The following GNA12 variants were observed in gnomAD, a reference collection of about 807,000 sequenced individuals.
GNA12 encodes G protein subunit alpha 12.
Under a neutral mutation model 26.0 loss-of-function variants are expected in GNA12, and 9 were observed. The ratio of observed to expected loss-of-function variants is 0.35; its 90% confidence interval spans 0.21 to 0.60. The LOEUF (loss-of-function observed/expected upper bound fraction) is 0.60, where lower values mean the gene tolerates loss of function less well. Among genes scored for constraint, GNA12 ranks in the 20% least tolerant of loss-of-function variants. The pLI is 0.78. For synonymous variants in GNA12, 264 were observed against 219.6 expected (o/e 1.20, Z -1.79); for missense variants, 405 against 525.8 (o/e 0.77, Z 2.25).
chr7:2,740,505 T>C (rs1790446482), intron 2 of GNA12, among the ~76,000 whole-genome samples: 1 of 152,126 alleles, frequency 6.6e-6, no homozygotes, highest in Non-Finnish European at 1.5e-5. Flanking sequence ...CAATTTCCAA[T>C]CTCCAGAGCT....
intron 2 of GNA12, among the ~76,000 whole-genome samples, chr7:2,777,205 C>T (rs1232652999): frequency 2.0e-5 from 3 of 152,134 alleles, no homozygotes; most frequent in Admixed American, 6.6e-5. Flanking sequence ...TCCTTTCAAA[C>T]GTGGACGCTT....
intron 2 of GNA12, among the ~76,000 whole-genome samples, chr7:2,751,426 G>A (rs1235334949): frequency 1.1e-4 from 17 of 148,004 alleles, no homozygotes; most frequent in Admixed American, 2.0e-4. Context: ...GCTTATAGAA[G>A]AGAAAAAATG....
chr7:2,816,792 A>G (rs1793228388), intron 1 of GNA12, among the ~76,000 whole-genome samples: 3 of 152,174 alleles, frequency 2.0e-5, no homozygotes, highest in Non-Finnish European at 4.4e-5. Context: ...TCAATTCTTA[A>G]GAGCGGCCAG....
Position 2,731,816 on chromosome 7 carries a change from A to C in GNA12, c.577-66T>G. 1 of 817,688 alleles carries C rather than the reference A, an allele frequency of 1.2e-6. No homozygotes were observed. The highest frequency in any genetic ancestry group is 1.8e-6 in the Non-Finnish European group (1 of 554,536). The allele number at this position is 817,688 out of a possible 1,614,324, so 50.7% of individuals were successfully genotyped here. A position where few individuals can be genotyped will look rare whatever the true frequency, so the allele number is the denominator to read the frequency against. On this transcript the variant is annotated intron_variant, in intron 3 of 3. Transcript: ENST00000275364. The surrounding 1 kb of genome is among the most constrained non-coding windows in gnomAD (Gnocchi z 6.0). ...GAAAGAACAGAGAAAATAGAAACAAAAAGATGGCAAAAAGATAAGAAGGAA... is the reference window on the plus strand; with the variant it reads ...GAAAGAACAGAGAAAATAGAAACAACAAGATGGCAAAAAGATAAGAAGGAA...
At chr7:2,779,459 A>G (rs796869622) in intron 2 of GNA12, among the ~76,000 whole-genome samples, 58 of 152,082 alleles carry the variant, frequency 3.8e-4, no homozygotes, top group African/African-American at 1.0e-3. Context: ...ACAGTGAGCT[A>G]TGATCACGCT....
At chr7:2,747,442 G>A (rs1049504562) in intron 2 of GNA12, among the ~76,000 whole-genome samples, 4 of 152,208 alleles carry the variant, frequency 2.6e-5, no homozygotes, top group African/African-American at 9.7e-5. Flanking sequence ...CTCAGTAGAT[G>A]CAGAAAAGGC....
At position 2,844,200 on chromosome 7, in the gene GNA12, G is replaced by A. The variant is rs1401556212; in HGVS notation, c.-39C>T. 88 of 959,900 alleles carry A rather than the reference G, an allele frequency of 9.2e-5. No individual in the cohort carries two copies. The highest frequency in any genetic ancestry group is 1.1e-4 in the Non-Finnish European group (87 of 809,228). The allele number at this position is 959,900 out of a possible 1,614,324, so 59.5% of individuals were successfully genotyped here. A position where few individuals can be genotyped will look rare whatever the true frequency, so the allele number is the denominator to read the frequency against. On this transcript the variant is annotated 5_prime_UTR_variant, in exon 1 of 4. Coordinates refer to ENST00000275364, the MANE Select transcript of GNA12 (RefSeq NM_007353.3). Reference sequence around the variant, plus strand: ...GCGGCCGCGCCCCGCCGGCGCCCGGGGGCCATGGACGCTCCCGCCGGCGAG... The same window carrying A: ...GCGGCCGCGCCCCGCCGGCGCCCGGAGGCCATGGACGCTCCCGCCGGCGAG...
chr7:2,743,561 C>T (rs1790611921), intron 2 of GNA12, among the ~76,000 whole-genome samples: 1 of 152,138 alleles, frequency 6.6e-6, no homozygotes. Context: ...CAGGGAGGAT[C>T]CAAGATGGCC....
At chr7:2,792,141 G>A (rs1018927267) in intron 2 of GNA12, among the ~76,000 whole-genome samples, 2 of 152,198 alleles carry the variant, frequency 1.3e-5, no homozygotes, top group African/African-American at 2.4e-5. Context: ...AAGCTCACTC[G>A]CTGGAGACAG....
At chr7:2,787,235 C>T (rs993795425) in intron 2 of GNA12, among the ~76,000 whole-genome samples, 1 of 152,196 alleles carries the variant, frequency 6.6e-6, no homozygotes, top group Admixed American at 6.5e-5. Context: ...TGGCAGCTCA[C>T]CGCCTCCGTC....
chr7:2,762,879 G>A (rs893463947), intron 2 of GNA12: 8 of 1,440,158 alleles, frequency 5.6e-6, no homozygotes, highest in South Asian at 1.5e-5. Flanking sequence ...AGCCCTGCTC[G>A]TGGAGCCATT....
At chr7:2,732,985 C>A (rs1015985138) in intron 3 of GNA12, among the ~76,000 whole-genome samples, 19 of 152,162 alleles carry the variant, frequency 1.2e-4, no homozygotes, top group Admixed American at 5.9e-4. Context: ...GGAATTACTG[C>A]CAATTTTTCA....
chr7:2,780,705 G>A (rs1442314838), intron 2 of GNA12, among the ~76,000 whole-genome samples: 1 of 152,140 alleles, frequency 6.6e-6, no homozygotes, highest in African/African-American at 2.4e-5. Flanking sequence ...ATGTTTGTGA[G>A]ATTGATCATA....
At position 2,741,422 on chromosome 7, in the gene GNA12, C is replaced by T. The variant is rs369288622; in HGVS notation, c.526-7921G>A. ...GGAGAGCTCACCCAGTTTCCAGAGGCTTCCACCACAGAATCTCTAAAACCC... is the reference window on the plus strand; with the variant it reads ...GGAGAGCTCACCCAGTTTCCAGAGGTTTCCACCACAGAATCTCTAAAACCC... On this transcript the variant is annotated intron_variant, in intron 2 of 3. Coordinates refer to ENST00000275364, the MANE Select transcript of GNA12 (RefSeq NM_007353.3). Among the ~76,000 whole-genome samples the T allele has an allele frequency of 2.2e-4, 33 of 152,292 alleles. No individual in the cohort carries two copies. The East Asian group carries it at 5.4e-3, about 25-fold the overall frequency.
At chr7:2,815,529 G>A (rs1048948367) in intron 1 of GNA12, among the ~76,000 whole-genome samples, 5 of 152,306 alleles carry the variant, frequency 3.3e-5, no homozygotes, top group African/African-American at 1.2e-4. Flanking sequence ...AACCACCCCA[G>A]GGCCAAGCAC....
At position 2,731,849 on chromosome 7, in the gene GNA12, G is replaced by A; in HGVS notation, c.577-99C>T. The A allele has an allele frequency of 1.6e-6, 1 of 627,540 alleles. No homozygotes were observed. The highest frequency in any genetic ancestry group is 2.6e-6 in the Non-Finnish European group (1 of 390,152). 38.9% of individuals were successfully genotyped at this position (627,540 alleles called of 1,614,324 possible). A position where few individuals can be genotyped will look rare whatever the true frequency, so the allele number is the denominator to read the frequency against. ...CAAAAAGATAAGAAGGAAAGAGACT[G>A]ACTTTTGCAACAGGTTGAACCAGAA... On this transcript the variant is annotated intron_variant, in intron 3 of 3. Transcript: ENST00000275364. The surrounding 1 kb of genome is among the most constrained non-coding windows in gnomAD (Gnocchi z 6.0).
intron 2 of GNA12, among the ~76,000 whole-genome samples, chr7:2,735,860 A>T (rs1406897938): frequency 6.6e-6 from 1 of 152,098 alleles, no homozygotes; most frequent in Non-Finnish European, 1.5e-5. Context: ...GGTGCCAGGG[A>T]CTGTGCCACA....
chr7:2,839,223 G>C (rs73033407), intron 1 of GNA12, among the ~76,000 whole-genome samples: 14,380 of 150,418 alleles, frequency 0.096, 877 homozygotes, highest in Middle Eastern at 0.19. Flanking sequence ...ACAAAAGAGA[G>C]ACAACAGGAA....
At chr7:2,778,715 T>G (rs927764318) in intron 2 of GNA12, among the ~76,000 whole-genome samples, 4 of 152,212 alleles carry the variant, frequency 2.6e-5, no homozygotes, top group Non-Finnish European at 5.9e-5. Flanking sequence ...TGTTTTCACA[T>G]CTCTCAGAGT....
Sources: gnomAD v4.1 joint callset for allele counts (sites outside exome capture counted in the v4.1 genomes callset) on GRCh38, gnomAD v4.1.1 for gene constraint, Gnocchi (gnomAD v3.1) non-coding constraint, MANE v1.5 for transcripts, NCBI Gene and HGNC (gene_info 2026-07-23, HGNC 2026-07-21) for gene names.